SAMD5: variants seen among roughly 807,000 people sequenced by gnomAD.
The protein encoded by SAMD5 is sterile alpha motif domain containing 5.
SAMD5 carries 13 observed loss-of-function variants against 11.3 expected under a neutral mutation model. That is an observed-to-expected ratio of 1.15 (90% CI 0.75 to 1.83). The LOEUF is 1.83. Ranked by LOEUF, SAMD5 falls within the 40% of genes most tolerant of loss-of-function variation. SAMD5 has a pLI of 0.00. For synonymous variants in SAMD5, 129 were observed against 111.3 expected (o/e 1.16, Z -1.00); for missense variants, 255 against 239.1 (o/e 1.07, Z -0.44).
intron 1 of SAMD5, among the ~76,000 whole-genome samples, chr6:147,660,988 T>C (rs1790640755): frequency 6.6e-6 from 1 of 152,200 alleles, no homozygotes; most frequent in Admixed American, 6.5e-5. Flanking sequence ...AACACCCTTT[T>C]TCTGCCAAGG....
the SAMD5 span, among the ~76,000 whole-genome samples, chr6:147,917,747 A>C: frequency 6.6e-6 from 1 of 152,194 alleles, no homozygotes; most frequent in African/African-American, 2.4e-5. Context: ...AGGTGTAAGG[A>C]AGGGATCCAC....
chr6:147,582,297 G>T (rs146202606), intron 1 of SAMD5, among the ~76,000 whole-genome samples: 1 of 151,188 alleles, frequency 6.6e-6, no homozygotes, highest in Non-Finnish European at 1.5e-5. Context: ...AACCCAGGAG[G>T]TGGAGGTTGC....
chr6:147,734,899 T>C (rs2128460309), intron 1 of SAMD5, among the ~76,000 whole-genome samples: 1 of 152,160 alleles, frequency 6.6e-6, no homozygotes, highest in South Asian at 2.1e-4. Context: ...ATTTTATGAC[T>C]TCTGCAAGGT....
intron 1 of SAMD5, among the ~76,000 whole-genome samples, chr6:147,530,406 C>T (rs139633444): frequency 8.5e-5 from 13 of 152,226 alleles, no homozygotes; most frequent in African/African-American, 2.7e-4. Flanking sequence ...GCGGCAGGTG[C>T]GGATGGCTTT....
intron 1 of SAMD5, among the ~76,000 whole-genome samples, chr6:147,539,011 C>T (rs984685856): frequency 1.3e-4 from 20 of 152,138 alleles, no homozygotes; most frequent in African/African-American, 4.8e-4. Context: ...TTTTCATTTG[C>T]CAGTTTTGTA....
chr6:147,559,453 C>T (rs1211370956), intron 1 of SAMD5, among the ~76,000 whole-genome samples: 1 of 152,100 alleles, frequency 6.6e-6, no homozygotes, highest in Non-Finnish European at 1.5e-5. Flanking sequence ...CTCCACTATA[C>T]TTTTCATTTG....
At chr6:147,770,024 T>A in the SAMD5 span, among the ~76,000 whole-genome samples, 1 of 152,208 alleles carries the variant, frequency 6.6e-6, no homozygotes, top group Non-Finnish European at 1.5e-5. Context: ...TCTTTGGGAA[T>A]AGGCTAACTG....
At chr6:147,927,593 A>G in the SAMD5 span, among the ~76,000 whole-genome samples, 1 of 152,160 alleles carries the variant, frequency 6.6e-6, no homozygotes, top group Non-Finnish European at 1.5e-5. Context: ...TAGATATTGA[A>G]TCACGTAGAT....
the SAMD5 span, among the ~76,000 whole-genome samples, chr6:147,789,095 AC>A: frequency 5.2e-4 from 61 of 117,298 alleles, no homozygotes; most frequent in East Asian, 5.8e-3. Flanking sequence ...AAACAAACAA[AC>A]AAACAAAAAA....
In SAMD5 at chr6:147,513,933, G is replaced by A. The variant is rs1788126974; in HGVS notation, c.459+4546G>A. ...CAGATTTGGATGATGGGACCAGTGA[G>A]AGTGCAGACAGGGATCACCCACAAC... On this transcript the variant is annotated intron_variant, in intron 1 of 1. Coordinates refer to ENST00000367474, the MANE Select transcript of SAMD5 (RefSeq NM_001030060.3). 2.0e-5 allele frequency among the ~76,000 whole-genome samples: 3 copies of A among 152,188 alleles called. No homozygotes were observed. In the South Asian group the frequency reaches 6.2e-4, roughly 32 times the overall value.
chr6:147,847,017 T>C, the SAMD5 span, among the ~76,000 whole-genome samples: 2 of 152,196 alleles, frequency 1.3e-5, no homozygotes, highest in Admixed American at 6.5e-5. Context: ...ATCAAGAAGT[T>C]AAATAACTGC....
the SAMD5 span, among the ~76,000 whole-genome samples, chr6:147,822,020 A>G: frequency 3.9e-5 from 6 of 152,344 alleles, no homozygotes; most frequent in East Asian, 1.2e-3. Flanking sequence ...TCAAAAATGC[A>G]TTATCTAATA....
chr6:147,748,871 A>G, the SAMD5 span, among the ~76,000 whole-genome samples: 4 of 152,172 alleles, frequency 2.6e-5, no homozygotes, highest in Admixed American at 6.5e-5. Flanking sequence ...AACCAACCCT[A>G]TATATGGGTT....
chr6:147,819,399 T>G, the SAMD5 span, among the ~76,000 whole-genome samples: 4 of 151,966 alleles, frequency 2.6e-5, no homozygotes, highest in Non-Finnish European at 4.4e-5. Flanking sequence ...TTGACACAGA[T>G]TTACCTATAT....
chr6:147,573,894 G>A (rs1412941020), downstream of SAMD5, among the ~76,000 whole-genome samples: 1 of 152,144 alleles, frequency 6.6e-6, no homozygotes, highest in Non-Finnish European at 1.5e-5. Flanking sequence ...GGAGGCCGAG[G>A]AGGGCAGATC....
the SAMD5 span, among the ~76,000 whole-genome samples, chr6:147,838,608 C>G: frequency 7.1e-6 from 1 of 140,962 alleles, no homozygotes; most frequent in East Asian, 2.3e-4. Context: ...TTCCTTGATG[C>G]AATTTTTCTG....
intron 1 of SAMD5, among the ~76,000 whole-genome samples, chr6:147,708,540 AATGGGAGCTTG>A (rs1312452172): frequency 6.6e-6 from 1 of 152,224 alleles, no homozygotes; most frequent in Non-Finnish European, 1.5e-5. Flanking sequence ...ACACTCAGCA[AATGGGAGCTTG>A]ATAAAATGAT....
the SAMD5 span, among the ~76,000 whole-genome samples, chr6:147,791,960 G>A: frequency 6.6e-6 from 1 of 152,124 alleles, no homozygotes; most frequent in African/African-American, 2.4e-5. Flanking sequence ...TGAAGCACAG[G>A]GAATTACTAG....
intron 1 of SAMD5, among the ~76,000 whole-genome samples, chr6:147,706,239 C>T (rs372702651): frequency 4.0e-5 from 6 of 151,668 alleles, no homozygotes; most frequent in South Asian, 4.2e-4. Context: ...TTGTTTTTTT[C>T]GAGACGGAGT....
Sources: gnomAD v4.1 joint callset for allele counts (sites outside exome capture counted in the v4.1 genomes callset) on GRCh38, gnomAD v4.1.1 for gene constraint, MANE v1.5 for transcripts, NCBI Gene and HGNC (gene_info 2026-07-23, HGNC 2026-07-21) for gene names.